The following WRAP73 variants were observed in gnomAD, a reference collection of about 807,000 sequenced individuals.
WRAP73 encodes WD repeat-containing protein WRAP73.
A neutral mutation model predicts 59.6 loss-of-function variants in WRAP73; 55 were observed. That is an observed-to-expected ratio of 0.92 (90% CI 0.74 to 1.15). The LOEUF (loss-of-function observed/expected upper bound fraction) is 1.15, where lower values mean the gene tolerates loss of function less well. WRAP73 is among the 50% of genes most tolerant of loss of function. The probability of loss-of-function intolerance (pLI) is 0.00; values close to 1 mark genes in which losing one functional copy is unlikely to be tolerated. For synonymous variants in WRAP73, 265 were observed against 258.2 expected (o/e 1.03, Z -0.25); for missense variants, 592 against 608.1 (o/e 0.97, Z 0.28).
intron 1 of WRAP73, among the ~76,000 whole-genome samples, chr1:3,648,277 T>G (rs1014463071): frequency 2.0e-5 from 3 of 152,234 alleles, no homozygotes; most frequent in African/African-American, 7.2e-5. Context: ...AGTACTCACC[T>G]GCTGAATGTA....
At chr1:3,648,125 T>C (rs1352369177) in intron 1 of WRAP73, among the ~76,000 whole-genome samples, 1 of 152,256 alleles carries the variant, frequency 6.6e-6, no homozygotes, top group African/African-American at 2.4e-5. Flanking sequence ...AAATGCTCAT[T>C]TATCTCCATT....
chr1:3,632,392 C>G, intron 9 of WRAP73, 54 bp from the exon 10 acceptor site: 1 of 1,612,830 alleles, frequency 6.2e-7, no homozygotes, highest in Non-Finnish European at 8.5e-7. Context: ...GAAGTACGCA[C>G]GCGGCTGAGA....
At chr1:3,633,344 C>T (rs1157908803) in intron 9 of WRAP73, 54 bp downstream of exon 9, 9 of 1,504,532 alleles carry the variant, frequency 6.0e-6, no homozygotes, top group East Asian at 2.3e-5. Flanking sequence ...ATCTGGACAA[C>T]GAGGAATCTT....
At chr1:3,632,845 C>T (rs1570292042) in intron 9 of WRAP73, 1 of 224,174 alleles carries the variant, frequency 4.5e-6, no homozygotes, top group South Asian at 5.8e-5. Context: ...TGACCCCCAT[C>T]CTGAGCACAC....
In WRAP73 at chr1:3,631,509, C is replaced by T; in HGVS notation, c.1197G>A (p.Leu399=). The part of the protein sequence containing the change: ...AICTGGSRLY[L]WSPAGCMSVQ... Reference sequence around the variant, plus strand: ...CCGACATGCAGCCCGCTGGGGACCACAGGTAGAGCCTGCTGCCTCCCGTGC... The same window carrying T: ...CCGACATGCAGCCCGCTGGGGACCATAGGTAGAGCCTGCTGCCTCCCGTGC... Residue 399 remains leucine, a synonymous_variant, in exon 11 of 12, where the codon CTG becomes CTA. Coordinates refer to ENST00000270708, the MANE Select transcript of WRAP73 (RefSeq NM_017818.4). 1 of 1,609,494 alleles carries T rather than the reference C, an allele frequency of 6.2e-7. No individual in the cohort carries two copies. Among genetic ancestry groups the T allele is most frequent in the Non-Finnish European group, 8.5e-7 (1 of 1,178,474 alleles).
chr1:3,643,570 C>A (rs1434743822), intron 3 of WRAP73, among the ~76,000 whole-genome samples: 1 of 139,736 alleles, frequency 7.2e-6, no homozygotes, highest in Admixed American at 7.3e-5. Context: ...GCCCCACTAA[C>A]CCCCGAAATG....
Position 3,649,947 on chromosome 1 carries a change from G to C in WRAP73, c.53C>G (p.Pro18Arg). The C allele has an allele frequency of 6.2e-7, 1 of 1,603,406 alleles. No homozygotes were observed. Among genetic ancestry groups the C allele is most frequent in the East Asian group, 2.3e-5 (1 of 43,918 alleles). The change falls in exon 1 of 12, where the codon CCG becomes CGG. Residue 18 changes from proline to arginine, a missense_variant. Coordinates refer to ENST00000270708, the MANE Select transcript of WRAP73 (RefSeq NM_017818.4). ...KLSSLLCKFS[P>R]DGKYLASCVQ... The stretch of plus-strand genomic sequence containing the variant: ...GCCGCTCACCAGGTACTTGCCGTCC[G>C]GGGAGAACTTGCAGAGTAAGCTGGA...
At chr1:3,640,079 T>C (rs1455326672) in intron 3 of WRAP73, among the ~76,000 whole-genome samples, 1 of 152,244 alleles carries the variant, frequency 6.6e-6, no homozygotes, top group Non-Finnish European at 1.5e-5. Flanking sequence ...AAACAACATA[T>C]ACAGCGTTCA....
chr1:3,637,079 G>A lies in WRAP73; in HGVS notation c.432C>T (p.Asp144=), dbSNP rs772547975. The A allele has an allele frequency of 9.9e-6, 16 of 1,610,894 alleles. No individual in the cohort carries two copies. Among genetic ancestry groups the A allele is most frequent in the African/African-American group, 5.3e-5 (4 of 74,878 alleles). Residue 144 remains aspartate, a synonymous_variant, in exon 5 of 12, where the codon GAC becomes GAT. Coordinates refer to ENST00000270708, the MANE Select transcript of WRAP73 (RefSeq NM_017818.4). ...GTTCTGCCAGCGCCATGTAGCGGCC[G>A]TCCCTGGTGAAGGTGATTCCTGTGG... ...ACLQGITFTR[D]GRYMALAERR...
At chr1:3,641,730 A>T (rs937923039) in intron 3 of WRAP73, among the ~76,000 whole-genome samples, 5 of 152,160 alleles carry the variant, frequency 3.3e-5, no homozygotes, top group Non-Finnish European at 5.9e-5. Flanking sequence ...CTTGCTTATA[A>T]ATTGTTTTAA....
chr1:3,633,776 G>A, intron 8 of WRAP73: 1 of 397,766 alleles, frequency 2.5e-6, no homozygotes, highest in South Asian at 4.3e-5. Flanking sequence ...GACCACTGCA[G>A]CCACCATCAT....
chr1:3,649,835 A>C, intron 1 of WRAP73, 96 bp downstream of exon 1: 2 of 1,368,826 alleles, frequency 1.5e-6, no homozygotes, highest in South Asian at 1.3e-5. Flanking sequence ...CAGGATCCCC[A>C]AGCTGCCTCC....
At chr1:3,640,994 A>G (rs1057507485) in intron 3 of WRAP73, among the ~76,000 whole-genome samples, 1 of 152,270 alleles carries the variant, frequency 6.6e-6, no homozygotes, top group Non-Finnish European at 1.5e-5. Flanking sequence ...TCTCACAAAA[A>G]CAAAGAAACA....
chr1:3,646,859 C>T lies in WRAP73; in HGVS notation c.223-77G>A, dbSNP rs373889879. ...AGACAGCGAGGACAGCTCGCTTAAA[C>T]GCAGCGGAGACCCGACCGCACAGGG... On this transcript the variant is annotated intron_variant, in intron 2 of 11. Transcript: ENST00000270708. This position sits in a 1 kb window ranked among gnomAD's most constrained non-coding sequence, Gnocchi z 5.1. 4.9e-5 allele frequency: 66 copies of T among 1,342,166 alleles called. No individual in the cohort carries two copies. In the African/African-American group the frequency reaches 6.0e-4, roughly 12 times the overall value. 83.1% of individuals were successfully genotyped at this position (1,342,166 alleles called of 1,614,324 possible).
chr1:3,649,722 G>T (rs56354975), intron 1 of WRAP73, among the ~76,000 whole-genome samples: 3,510 of 148,680 alleles, frequency 0.024, 139 homozygotes, highest in African/African-American at 0.08. Flanking sequence ...CACCTGTCTA[G>T]GGTATCTTCC....
chr1:3,631,720 C>T, intron 10 of WRAP73, 63 bp from the exon 11 acceptor site: 1 of 1,539,068 alleles, frequency 6.5e-7, no homozygotes, highest in East Asian at 2.3e-5. Context: ...TTGGCCCTGC[C>T]CCTCTGCTCT....
intron 9 of WRAP73, chr1:3,632,856 A>G (rs573201608): frequency 4.7e-6 from 1 of 211,036 alleles, no homozygotes; most frequent in South Asian, 6.7e-5. Flanking sequence ...CTGAGCACAC[A>G]CCGAGCCCCG....
rs892185664 is a variant in WRAP73, at chr1:3,647,299, T to C, written c.222+109A>G. On this transcript the variant is annotated intron_variant, in intron 2 of 11. Coordinates refer to ENST00000270708, the MANE Select transcript of WRAP73 (RefSeq NM_017818.4). ...TTATAATTTCAAAAGAAAACTGGCT[T>C]TGAGCTGCACGGACTTTTTTTTCAA... 92 of 1,225,426 alleles carry C rather than the reference T, an allele frequency of 7.5e-5. No homozygotes were observed. The African/African-American group carries it at 1.2e-3, about 15-fold the overall frequency. 75.9% of individuals were successfully genotyped at this position (1,225,426 alleles called of 1,614,324 possible).
In WRAP73 at chr1:3,646,809, C is replaced by G; in HGVS notation, c.223-27G>C. 1 of 1,588,968 alleles carries G rather than the reference C, an allele frequency of 6.3e-7. No individual in the cohort carries two copies. The highest frequency in any genetic ancestry group is 8.6e-7 in the Non-Finnish European group (1 of 1,160,952). On this transcript the variant is annotated intron_variant, in intron 2 of 11. Coordinates refer to ENST00000270708, the MANE Select transcript of WRAP73 (RefSeq NM_017818.4). The surrounding 1 kb of genome is among the most constrained non-coding windows in gnomAD (Gnocchi z 5.1). ...TGGATTGAGAGAAGAAAGAAACACA[C>G]AAGTGCAAACTCATCAGCACCGAGA...
Sources: allele counts gnomAD v4.1 joint callset (sites outside exome capture counted in the v4.1 genomes callset), GRCh38; gene constraint gnomAD v4.1.1; non-coding constraint Gnocchi (gnomAD v3.1); transcripts MANE v1.5; gene names NCBI Gene and HGNC (gene_info 2026-07-23, HGNC 2026-07-21).